Variants in ABCA13 observed in about 807,000 individuals in gnomAD.
ABCA13 encodes ATP-binding cassette sub-family A member 13.
In ABCA13, 476 loss-of-function variants were observed where a neutral mutation model predicts 478.7. That is an observed-to-expected ratio of 0.99 (90% CI 0.92 to 1.07). The LOEUF is 1.07. ABCA13 is among the 50% of genes least tolerant of loss of function. The pLI, the probability that ABCA13 is intolerant of heterozygous loss-of-function variation, is 0.00. For synonymous variants in ABCA13, 2,252 were observed against 2,158.9 expected, an observed-to-expected ratio of 1.04 and a Z score of -1.20; for missense variants, 6,060 against 5,910.6, an observed-to-expected ratio of 1.03 and a Z score of -0.83.
intron 52 of ABCA13, among the ~76,000 whole-genome samples, chr7:48,518,421 A>G (rs1283156554): frequency 1.3e-5 from 2 of 152,220 alleles, no homozygotes; most frequent in Non-Finnish European, 2.9e-5. Flanking sequence ...GTCCATATCC[A>G]AAGAGGAAGC....
intron 1 of ABCA13, among the ~76,000 whole-genome samples, chr7:48,173,822 A>T (rs1274202352): frequency 6.6e-6 from 1 of 152,222 alleles, no homozygotes; most frequent in African/African-American, 2.4e-5. Context: ...ATGAGTTTGT[A>T]CATGTAATGT....
chr7:48,387,333 G>A (rs7803797), intron 35 of ABCA13, among the ~76,000 whole-genome samples: 37,547 of 151,878 alleles, frequency 0.25, 5,278 homozygotes, highest in African/African-American at 0.39. Context: ...GAATGGTAAC[G>A]TGTTTCATAT....
At chr7:48,552,117 G>A (rs978058159) in intron 55 of ABCA13, among the ~76,000 whole-genome samples, 2 of 151,262 alleles carry the variant, frequency 1.3e-5, no homozygotes, top group African/African-American at 4.9e-5. Context: ...AATAATTTTG[G>A]TTTCCTTGCA....
chr7:48,554,990 C>T (rs1383967581), intron 55 of ABCA13, among the ~76,000 whole-genome samples: 1 of 151,496 alleles, frequency 6.6e-6, no homozygotes, highest in Non-Finnish European at 1.5e-5. Context: ...TTGTATATGA[C>T]TTTTATTATG....
chr7:48,617,667 G>A (rs1792720398), intron 59 of ABCA13, among the ~76,000 whole-genome samples: 1 of 152,160 alleles, frequency 6.6e-6, no homozygotes. Context: ...GTGAAGCCAG[G>A]AGAGCACGAG....
At chr7:48,194,263 ATGT>A (rs1463808063) in intron 2 of ABCA13, among the ~76,000 whole-genome samples, 1 of 151,964 alleles carries the variant, frequency 6.6e-6, no homozygotes, top group East Asian at 1.9e-4. Flanking sequence ...GACAGTGATG[ATGT>A]TGATGATAAT....
chr7:48,284,892 T>G (rs912334774), intron 19 of ABCA13, among the ~76,000 whole-genome samples: 5 of 152,154 alleles, frequency 3.3e-5, no homozygotes, highest in Non-Finnish European at 5.9e-5. Flanking sequence ...AAATAGCCCC[T>G]CCTCTCCCAT....
intron 15 of ABCA13, among the ~76,000 whole-genome samples, chr7:48,260,192 T>C (rs1034763366): frequency 1.3e-5 from 2 of 152,054 alleles, no homozygotes; most frequent in Non-Finnish European, 2.9e-5. Flanking sequence ...CAATCTGACT[T>C]TTTGAGTTGT....
rs569653116 is a variant in ABCA13 at position 48,269,222 on chromosome 7, T to C, written c.2120+128T>C. 9.8e-5 allele frequency: 58 copies of C among 588,928 alleles called. 1 individual carries two copies. Among genetic ancestry groups the C allele is most frequent in the South Asian group, 9.7e-4 (43 of 44,270 alleles). The allele number at this position is 588,928 out of a possible 1,614,324, so 36.5% of individuals were successfully genotyped here. A position where few individuals can be genotyped will look rare whatever the true frequency, so the allele number is the denominator to read the frequency against. On this transcript the variant is annotated intron_variant, in intron 16 of 61. Transcript: ENST00000435803. The stretch of plus-strand genomic sequence containing the variant: ...ATTTAGATATTGACACAATCTTTCA[T>C]ATGAGCTGTTCAATAAATATTCCTT...
intron 55 of ABCA13, among the ~76,000 whole-genome samples, chr7:48,530,329 C>T (rs1833142634): frequency 6.6e-6 from 1 of 151,450 alleles, no homozygotes; most frequent in African/African-American, 2.4e-5. Flanking sequence ...TATATATACA[C>T]ATATACATAT....
At chr7:48,254,523 G>C (rs1336049671) in intron 15 of ABCA13, among the ~76,000 whole-genome samples, 1 of 152,016 alleles carries the variant, frequency 6.6e-6, no homozygotes, top group Non-Finnish European at 1.5e-5. Context: ...TCCTGCCTTG[G>C]ACACCCAAAG....
chr7:48,360,671 A>G (rs2129003268), intron 31 of ABCA13, among the ~76,000 whole-genome samples: 1 of 152,136 alleles, frequency 6.6e-6, no homozygotes, highest in Non-Finnish European at 1.5e-5. Flanking sequence ...TGAGTCCCTC[A>G]TTCTTTGTCG....
chr7:48,640,940 T>A (rs1414938672), intron 59 of ABCA13, among the ~76,000 whole-genome samples: 3 of 152,172 alleles, frequency 2.0e-5, no homozygotes, highest in Non-Finnish European at 4.4e-5. Flanking sequence ...TTCTCTAGAG[T>A]GTTTCTATTT....
At position 48,279,271 on chromosome 7, in the gene ABCA13, T is replaced by C; in HGVS notation, c.8077T>C (p.Phe2693Leu). 6.3e-7 allele frequency: 1 copy of C among 1,588,478 alleles called. No individual in the cohort carries two copies. The highest frequency in any genetic ancestry group is 1.8e-5 in the Admixed American group (1 of 56,224). Residue 2693 changes from phenylalanine (F) to leucine (L), a missense_variant, in exon 18 of 62, where the codon TTC becomes CTC. Around this residue, in one of 3 missense-constraint regions of ABCA13, gnomAD observed 4,423 missense variants for 4,309.1 expected, o/e 1.03. Coordinates refer to ENST00000435803, the MANE Select transcript of ABCA13 (RefSeq NM_152701.5). Reference protein sequence around the residue: ...PINNITNQMDFLYPNPISTHS... With the variant: ...PINNITNQMDLLYPNPISTHS... ...AAATAACATCACCAACCAAATGGAC[T>C]TCTTATACCCTAATCCAATTTCCAC...
intron 23 of ABCA13, among the ~76,000 whole-genome samples, chr7:48,300,352 T>C (rs1473950298): frequency 6.6e-6 from 1 of 152,262 alleles, no homozygotes; most frequent in Non-Finnish European, 1.5e-5. Flanking sequence ...ATGACAGGCA[T>C]GGTCCCAAAA....
chr7:48,217,512 A>T (rs1786662928), intron 3 of ABCA13, among the ~76,000 whole-genome samples: 1 of 152,152 alleles, frequency 6.6e-6, no homozygotes, highest in Non-Finnish European at 1.5e-5. Flanking sequence ...TCCTCACACC[A>T]CCCTATTAGG....
chr7:48,183,463 C>G (rs150990921), intron 1 of ABCA13, among the ~76,000 whole-genome samples: 1,762 of 152,280 alleles, frequency 0.012, 37 homozygotes, highest in African/African-American at 0.04. Flanking sequence ...CACAGTATTA[C>G]CTATCTCACT....
intron 24 of ABCA13, among the ~76,000 whole-genome samples, chr7:48,311,386 G>T (rs4260852): frequency 0.14 from 20,809 of 152,050 alleles, 1,493 homozygotes; most frequent in East Asian, 0.18. Context: ...CCTCTATCTT[G>T]GTGGAATTCG....
chr7:48,372,534 C>G (rs771936690), intron 33 of ABCA13, 37 bp downstream of exon 33: 1 of 990,238 alleles, frequency 1.0e-6, no homozygotes, highest in African/African-American at 1.7e-5. Flanking sequence ...AAAAAAAAAA[C>G]AACAAAATTG....
Sources: allele counts gnomAD v4.1 joint callset (sites outside exome capture counted in the v4.1 genomes callset), GRCh38; gene constraint gnomAD v4.1.1; regional missense constraint gnomAD v4.1.1; transcripts MANE v1.5; gene names NCBI Gene and HGNC (gene_info 2026-07-23, HGNC 2026-07-21).